Variants in DLGAP2 observed in about 807,000 individuals in gnomAD.
DLGAP2 encodes the protein DLG associated protein 2.
In DLGAP2, 26 loss-of-function variants were observed where a neutral mutation model predicts 100.3. The observed-to-expected ratio is 0.26, with a 90% CI of 0.19 to 0.36. DLGAP2 has a LOEUF of 0.36. Among genes scored for constraint, DLGAP2 ranks in the 10% least tolerant of loss-of-function variants. The pLI is 1.00. For missense variants in DLGAP2, 1,858 were observed against 1,453.2 expected (o/e 1.28, Z -4.53); for synonymous variants, 886 against 630.1 (o/e 1.41, Z -6.08).
intron 3 of DLGAP2, among the ~76,000 whole-genome samples, chr8:1,386,537 C>T (rs1021831017): frequency 2.6e-5 from 4 of 152,172 alleles, no homozygotes; most frequent in African/African-American, 9.6e-5. Flanking sequence ...CAGGCACAGG[C>T]ACACCACCGG....
At chr8:1,284,252 T>A (rs1449493729) in intron 3 of DLGAP2, among the ~76,000 whole-genome samples, 1 of 152,112 alleles carries the variant, frequency 6.6e-6, no homozygotes, top group Non-Finnish European at 1.5e-5. Flanking sequence ...CCAGGAGAGA[T>A]TTTTTGTTAA....
intron 1 of DLGAP2, among the ~76,000 whole-genome samples, chr8:778,570 G>A (rs890812891): frequency 6.6e-6 from 1 of 152,176 alleles, no homozygotes; most frequent in African/African-American, 2.4e-5. Context: ...TAACGGACAG[G>A]ACCCTCAGCT....
chr8:753,245 C>G (rs1162588769), intron 1 of DLGAP2, among the ~76,000 whole-genome samples: 1 of 152,210 alleles, frequency 6.6e-6, no homozygotes, highest in Non-Finnish European at 1.5e-5. Context: ...AATTGCTGCT[C>G]TGTATCACGG....
chr8:1,241,328 TGTGTCTAGTTGTCTCACATGGCGCC>T (rs1798791850), intron 2 of DLGAP2, among the ~76,000 whole-genome samples: 1 of 132,258 alleles, frequency 7.6e-6, no homozygotes, highest in African/African-American at 3.0e-5. Context: ...CACATGGCAC[TGTGTCTAGTTGTCTCACATGGCGCC>T]GTGTCTAGTT....
intron 3 of DLGAP2, among the ~76,000 whole-genome samples, chr8:1,458,981 C>T (rs1439807875): frequency 6.7e-6 from 1 of 150,034 alleles, no homozygotes; most frequent in Non-Finnish European, 1.5e-5. Context: ...TTACATGCAT[C>T]TACCCGAGGG....
intron 3 of DLGAP2, among the ~76,000 whole-genome samples, chr8:1,364,937 C>T (rs1356520625): frequency 1.3e-5 from 2 of 152,220 alleles, no homozygotes; most frequent in East Asian, 3.9e-4. Flanking sequence ...GAAGCTCCCA[C>T]CTTCCTCAGA....
At chr8:859,388 A>G (rs1797346809) in intron 1 of DLGAP2, among the ~76,000 whole-genome samples, 1 of 152,202 alleles carries the variant, frequency 6.6e-6, no homozygotes, top group Non-Finnish European at 1.5e-5. Context: ...CTGGGATTAC[A>G]GGTGTGAGCC....
intron 1 of DLGAP2, among the ~76,000 whole-genome samples, chr8:844,504 C>G (rs560638138): frequency 1.3e-5 from 2 of 152,266 alleles, no homozygotes; most frequent in African/African-American, 2.4e-5. Flanking sequence ...TCTCTCGACC[C>G]CCTTTCCAGC....
At chr8:1,210,780 C>T (rs1563255914) in intron 2 of DLGAP2, among the ~76,000 whole-genome samples, 1 of 151,740 alleles carries the variant, frequency 6.6e-6, no homozygotes, top group Non-Finnish European at 1.5e-5. Context: ...GATCCTGGGT[C>T]CCTTCCACAG....
At position 1,481,203 on chromosome 8, in the gene DLGAP2, A is replaced by G. The variant is rs1356625950; in HGVS notation, c.107-20163A>G. Among the ~76,000 whole-genome samples, 6 of 152,136 alleles carry G rather than the reference A, an allele frequency of 3.9e-5. No homozygotes were observed. In the South Asian group the frequency reaches 6.2e-4, roughly 16 times the overall value. ...TAAAAAAAAAATTTTAAAAACCATC[A>G]AAAATGAAAGAAGGTTGAAGGAGGC... On this transcript the variant is annotated intron_variant, in intron 3 of 14. Transcript: ENST00000637795.
At chr8:1,010,297 C>A (rs1286697846) in intron 2 of DLGAP2, among the ~76,000 whole-genome samples, 1 of 126,986 alleles carries the variant, frequency 7.9e-6, no homozygotes, top group Non-Finnish European at 1.7e-5. Context: ...TGTGTACACT[C>A]AGATATCAGT....
chr8:1,695,597 C>T (rs546341044), intron 13 of DLGAP2, among the ~76,000 whole-genome samples: 37 of 151,288 alleles, frequency 2.4e-4, no homozygotes, highest in African/African-American at 8.5e-4. Flanking sequence ...CAGCCTTGCC[C>T]GGCCCTACAG....
At chr8:1,582,740 C>T (rs977239969) in intron 6 of DLGAP2, among the ~76,000 whole-genome samples, 2 of 152,134 alleles carry the variant, frequency 1.3e-5, no homozygotes, top group Non-Finnish European at 1.5e-5. Flanking sequence ...CAAGTGTGCA[C>T]CACCACACCC....
At chr8:969,750 G>T (rs1584934117) in intron 2 of DLGAP2, among the ~76,000 whole-genome samples, 1 of 152,114 alleles carries the variant, frequency 6.6e-6, no homozygotes, top group Non-Finnish European at 1.5e-5. Flanking sequence ...CTTGGAGGGA[G>T]CCTGGTGGGA....
At chr8:1,595,290 T>C (rs1025340252) in intron 6 of DLGAP2, among the ~76,000 whole-genome samples, 1 of 152,014 alleles carries the variant, frequency 6.6e-6, no homozygotes, top group South Asian at 2.1e-4. Context: ...AAACTTTTTA[T>C]TGACAAATAA....
intron 2 of DLGAP2, among the ~76,000 whole-genome samples, chr8:1,076,443 G>A (rs1354924150): frequency 1.3e-5 from 2 of 152,162 alleles, no homozygotes; most frequent in Admixed American, 1.3e-4. Flanking sequence ...TGGGTTAGAG[G>A]GCAGGATGCT....
chr8:1,315,352 A>C (rs1451917003), intron 3 of DLGAP2, among the ~76,000 whole-genome samples: 1 of 141,858 alleles, frequency 7.0e-6, no homozygotes, highest in Non-Finnish European at 1.5e-5. Flanking sequence ...GCGTTTAAAA[A>C]TAGAGCCTAT....
intron 1 of DLGAP2, among the ~76,000 whole-genome samples, chr8:894,195 G>A (rs1798094122): frequency 1.3e-5 from 2 of 152,200 alleles, no homozygotes; most frequent in Non-Finnish European, 2.9e-5. Flanking sequence ...CGCCCCCAGA[G>A]CAGCCTCCCT....
intron 3 of DLGAP2, among the ~76,000 whole-genome samples, chr8:1,457,974 T>TTATATATA: frequency 2.2e-5 from 1 of 46,464 alleles, no homozygotes; most frequent in Non-Finnish European, 4.4e-5. Context: ...TGTTCTCTGA[T>TTATATATA]CATATATATA....
Sources: gnomAD v4.1 joint callset for allele counts (sites outside exome capture counted in the v4.1 genomes callset) on GRCh38, gnomAD v4.1.1 for gene constraint, MANE v1.5 for transcripts, NCBI Gene and HGNC (gene_info 2026-07-23, HGNC 2026-07-21) for gene names.